TRPM8: variants seen among roughly 807,000 people sequenced by gnomAD.
The protein encoded by TRPM8 is TRPM8 cationic channel.
Under a neutral mutation model 133.7 loss-of-function variants are expected in TRPM8, and 110 were observed. The observed-to-expected ratio is 0.82, with a 90% CI of 0.70 to 0.96. TRPM8 has a LOEUF of 0.96. TRPM8 is among the 40% of genes least tolerant of loss of function. The probability of loss-of-function intolerance (pLI) is 0.00; values close to 1 mark genes in which losing one functional copy is unlikely to be tolerated. For missense variants in TRPM8, 1,291 were observed against 1,379.5 expected (o/e 0.94, Z 1.02); for synonymous variants, 535 against 532.3 (o/e 1.01, Z -0.07).
intron 16 of TRPM8, 30 bp from the exon 17 acceptor site, chr2:233,970,180 T>TGCTGAC: frequency 6.3e-7 from 1 of 1,598,914 alleles, no homozygotes; most frequent in East Asian, 2.2e-5. Context: ...CTTGCAAGGA[T>TGCTGAC]GCTGACGATG....
chr2:233,963,557 C>A (rs964763285), intron 13 of TRPM8, among the ~76,000 whole-genome samples, 180 bp downstream of exon 13: 3 of 152,138 alleles, frequency 2.0e-5, no homozygotes, highest in African/African-American at 7.2e-5. Flanking sequence ...GGACCGTCCC[C>A]GGAAAGTAGT....
At chr2:233,988,211 A>G (rs767300161) in intron 21 of TRPM8, among the ~76,000 whole-genome samples, 4 of 152,004 alleles carry the variant, frequency 2.6e-5, no homozygotes, top group Non-Finnish European at 4.4e-5. Flanking sequence ...GCTATGCCTG[A>G]TGCTTTGCAC....
chr2:233,989,177 T>C lies in TRPM8; in HGVS notation c.2939+3312T>C, dbSNP rs1337507005. ...GGAGCCATTCATGAGAACCGGGCAC[T>C]TTTGTAATCCATTACCTGCATTTTG... On this transcript the variant is annotated intron_variant, in intron 21 of 25. Transcript: ENST00000324695. The surrounding 1 kb of genome is among the most constrained non-coding windows in gnomAD (Gnocchi z 4.2). Among the ~76,000 whole-genome samples the C allele has an allele frequency of 1.3e-5, 2 of 152,216 alleles. No individual in the cohort carries two copies. The highest frequency in any genetic ancestry group is 2.9e-5 in the Non-Finnish European group (2 of 68,026).
At chr2:234,016,953 T>C (rs1197701996) in intron 25 of TRPM8, among the ~76,000 whole-genome samples, 1 of 152,190 alleles carries the variant, frequency 6.6e-6, no homozygotes, top group African/African-American at 2.4e-5. Flanking sequence ...GTTATTTCAG[T>C]TTTAATTCAG....
At chr2:233,918,252 T>C (rs1691341295) in intron 1 of TRPM8, among the ~76,000 whole-genome samples, 1 of 151,376 alleles carries the variant, frequency 6.6e-6, no homozygotes, top group African/African-American at 2.4e-5. Flanking sequence ...TTTGGATGCA[T>C]ATTTATTTAT....
intron 17 of TRPM8, 152 bp downstream of exon 17, chr2:233,970,578 G>A: frequency 1.4e-6 from 1 of 711,134 alleles, no homozygotes; most frequent in Non-Finnish European, 2.4e-6. Flanking sequence ...TGAGTGTGAA[G>A]GTGCATTTTC....
intron 3 of TRPM8, among the ~76,000 whole-genome samples, chr2:233,935,770 A>C (rs183005381): frequency 2.4e-4 from 36 of 152,092 alleles, no homozygotes; most frequent in Admixed American, 5.9e-4. Flanking sequence ...TGCAGAACCA[A>C]GTGGGTGGGG....
At chr2:233,925,012 G>A (rs544569344) in intron 1 of TRPM8, among the ~76,000 whole-genome samples, 12 of 152,328 alleles carry the variant, frequency 7.9e-5, no homozygotes, top group African/African-American at 2.6e-4. Context: ...TCTGAGGTGT[G>A]GGAGGCCTGT....
intron 21 of TRPM8, among the ~76,000 whole-genome samples, chr2:233,994,294 G>A (rs1692350486): frequency 6.6e-6 from 1 of 152,176 alleles, no homozygotes; most frequent in Non-Finnish European, 1.5e-5. Flanking sequence ...CTTGCTATTA[G>A]CCTCAAAGCA....
intron 1 of TRPM8, among the ~76,000 whole-genome samples, chr2:233,918,940 G>T (rs972407581): frequency 1.3e-5 from 2 of 152,122 alleles, no homozygotes; most frequent in African/African-American, 4.8e-5. Flanking sequence ...AGATGGCTGG[G>T]GTTTGGTGTG....
intron 2 of TRPM8, among the ~76,000 whole-genome samples, chr2:233,928,043 C>T (rs1574691513): frequency 2.7e-5 from 4 of 147,766 alleles, no homozygotes; most frequent in Admixed American, 2.0e-4. Context: ...GATCTCGGCT[C>T]ACTGCAAACT....
rs1692017997 is a variant in TRPM8 at position 233,981,878 on chromosome 2, G to A, written c.2552G>A (p.Arg851Lys). 3 of 1,613,380 alleles carry A rather than the reference G, an allele frequency of 1.9e-6. No homozygotes were observed. Among genetic ancestry groups the A allele is most frequent in the Admixed American group, 3.3e-5 (2 of 59,860 alleles). Residue 851 changes from arginine (R) to lysine (K), a missense_variant, in exon 19 of 26, where the codon AGA (arginine) becomes AAA (lysine). Physicochemically the swap from Arg to Lys is conservative, Grantham distance 26. This residue lies in a region of TRPM8 where 328 missense variants were observed against 410.6 expected (regional missense o/e 0.80). Transcript: ENST00000324695. Reference sequence around the variant, plus strand: ...TTGATCCACATTTTTACTGTAAGCAGAAACTTAGGACCCAAGATTATAATG... The same window carrying A: ...TTGATCCACATTTTTACTGTAAGCAAAAACTTAGGACCCAAGATTATAATG... ...LRLIHIFTVSRNLGPKIIMLQ... is the reference protein window; with the variant it reads ...LRLIHIFTVSKNLGPKIIMLQ...
chr2:233,923,794 A>AAAC (rs200584438), intron 1 of TRPM8, among the ~76,000 whole-genome samples: 6 of 152,106 alleles, frequency 3.9e-5, no homozygotes, highest in African/African-American at 4.8e-5. Context: ...GAAAACAATA[A>AAAC]AACAACAACA....
At chr2:233,985,970 CT>C in intron 21 of TRPM8, 105 bp downstream of exon 21, 1 of 1,064,186 alleles carries the variant, frequency 9.4e-7, no homozygotes, top group Non-Finnish European at 1.4e-6. Flanking sequence ...GAGGAACATA[CT>C]TTAGAGATCT....
intron 12 of TRPM8, 76 bp downstream of exon 12, chr2:233,961,142 C>T (rs1691427842): frequency 1.4e-6 from 2 of 1,423,020 alleles, no homozygotes; most frequent in Non-Finnish European, 1.9e-6. Context: ...TCCATTTTCC[C>T]TACTCCCTAT....
chr2:233,953,855 G>A (rs968234948), intron 9 of TRPM8, 62 bp from the exon 10 acceptor site: 4 of 1,267,796 alleles, frequency 3.2e-6, no homozygotes, highest in Admixed American at 2.1e-5. Context: ...CAAAAAGAAA[G>A]AAGTTTATGC....
At chr2:233,940,647 T>A (rs1690883141) in intron 5 of TRPM8, among the ~76,000 whole-genome samples, 1 of 152,164 alleles carries the variant, frequency 6.6e-6, no homozygotes. Context: ...TACCTTCACT[T>A]CCCATTGTCT....
At chr2:233,985,663 T>C (rs1485577583) in intron 20 of TRPM8, 25 bp from the exon 21 acceptor site, 3 of 1,609,190 alleles carry the variant, frequency 1.9e-6, no homozygotes, top group Non-Finnish European at 1.7e-6. Context: ...GTCCTCACTT[T>C]GCCTGTTGGT....
intron 2 of TRPM8, among the ~76,000 whole-genome samples, chr2:233,927,839 CCT>C (rs1691576252): frequency 1.5e-5 from 1 of 67,340 alleles, no homozygotes; most frequent in Non-Finnish European, 2.6e-5. Flanking sequence ...TTCCTTCCTT[CCT>C]TCCTTCCTTC....
Sources: allele counts gnomAD v4.1 joint callset (sites outside exome capture counted in the v4.1 genomes callset), GRCh38; gene constraint gnomAD v4.1.1; regional missense constraint gnomAD v4.1.1; non-coding constraint Gnocchi (gnomAD v3.1); transcripts MANE v1.5; gene names NCBI Gene and HGNC (gene_info 2026-07-23, HGNC 2026-07-21).